The following OR5H1 variants were observed in gnomAD, a reference collection of about 807,000 sequenced individuals.
OR5H1 encodes olfactory receptor 5H1.
For synonymous variants in OR5H1, 124 were observed against 134.4 expected, an observed-to-expected ratio of 0.92 and a Z score of 0.54; for missense variants, 378 against 366.8, an observed-to-expected ratio of 1.03 and a Z score of -0.25.
rs1403937366 is a variant in OR5H1 at position 98,133,266 on chromosome 3, C to T, written c.569C>T (p.Thr190Ile). The T allele has an allele frequency of 6.2e-7, 1 of 1,610,530 alleles. No homozygotes were observed. Among genetic ancestry groups the T allele is most frequent in the Non-Finnish European group, 8.5e-7 (1 of 1,177,626 alleles). ...ATCCCATTGTCTAAGATTTCTTGTA[C>T]TGATTCTTCTATTAATTTTCTAATG... is the stretch of plus-strand genomic sequence containing the variant. ...DTIPLSKISC[T>I]DSSINFLMVF... The change falls in exon 2 of 2, where the codon ACT becomes ATT. Residue 190 changes from threonine to isoleucine, a missense_variant. Physicochemically the swap from Thr to Ile is moderately conservative, Grantham distance 89. Transcript: ENST00000641874.
chr3:98,132,876 A>G lies in OR5H1; in HGVS notation c.179A>G (p.Tyr60Cys). The change falls in exon 2 of 2, where the codon TAC (tyrosine) becomes TGC (cysteine). Residue 60 changes from tyrosine to cysteine, a missense_variant. Coordinates refer to ENST00000641874, the MANE Select transcript of OR5H1 (RefSeq NM_001005338.2). ...WKDPHLHIPM[Y>C]LLLGNLAFVD... ...GACCCTCACCTTCATATCCCAATGT[A>G]CTTACTCCTTGGGAATTTAGCTTTT... The G allele has an allele frequency of 3.1e-6, 5 of 1,613,448 alleles. No homozygotes were observed. Among genetic ancestry groups the G allele is most frequent in the Non-Finnish European group, 4.2e-6 (5 of 1,179,552 alleles).
At position 98,136,684 on chromosome 3, in the gene OR5H1, T is replaced by G. The variant is rs1376664284; in HGVS notation, c.*3045T>G. 1 of 151,952 alleles carries G rather than the reference T, an allele frequency of 6.6e-6. No homozygotes were observed. Among genetic ancestry groups the G allele is most frequent in the East Asian group, 1.9e-4 (1 of 5,178 alleles). 9.4% of individuals were successfully genotyped at this position (151,952 alleles called of 1,614,324 possible). A position where few individuals can be genotyped will look rare whatever the true frequency, so the allele number is the denominator to read the frequency against. On this transcript the variant is annotated 3_prime_UTR_variant, in exon 2 of 2. Coordinates refer to ENST00000641874, the MANE Select transcript of OR5H1 (RefSeq NM_001005338.2). ...ATCTCTCATGAATGCCTTGGTGCCA[T>G]CATCATAGTAATAAGCATGTTCTTA...
chr3:98,131,754 C>T (rs929545927), intron 1 of OR5H1, among the ~76,000 whole-genome samples: 3 of 151,962 alleles, frequency 2.0e-5, no homozygotes, highest in Non-Finnish European at 2.9e-5. Flanking sequence ...GCTCATATTA[C>T]TGATTGGAAC....
intron 1 of OR5H1, among the ~76,000 whole-genome samples, chr3:98,132,320 C>A (rs1708265285): frequency 1.3e-5 from 2 of 152,068 alleles, no homozygotes; most frequent in African/African-American, 4.8e-5. Context: ...AGATACTTCA[C>A]ATGGCATTTA....
chr3:98,131,180 A>T (rs1363279936), intron 1 of OR5H1, among the ~76,000 whole-genome samples: 1 of 152,052 alleles, frequency 6.6e-6, no homozygotes, highest in Non-Finnish European at 1.5e-5. Flanking sequence ...AATTATTCTG[A>T]TATAAATACC....
At chr3:98,132,648 T>G in intron 1 of OR5H1, 32 bp from the exon 2 acceptor site, 1 of 1,599,344 alleles carries the variant, frequency 6.3e-7, no homozygotes, top group East Asian at 2.2e-5. Flanking sequence ...CCATTGCAAA[T>G]GTTCCCTTTC....
rs959795088 is a variant in OR5H1 at position 98,134,630 on chromosome 3, T to C, written c.*991T>C. Reference sequence around the variant, plus strand: ...AATGAGGTAAGATTTTGGAGATTTTTTGCCTCGGAAAGTCATTGATTGTTA... The same window carrying C: ...AATGAGGTAAGATTTTGGAGATTTTCTGCCTCGGAAAGTCATTGATTGTTA... On this transcript the variant is annotated 3_prime_UTR_variant, in exon 2 of 2. Transcript: ENST00000641874. 5 of 152,242 alleles carry C rather than the reference T, an allele frequency of 3.3e-5. No individual in the cohort carries two copies. Among genetic ancestry groups the C allele is most frequent in the African/African-American group, 1.2e-4 (5 of 41,572 alleles). The allele number at this position is 152,242 out of a possible 1,614,324, so 9.4% of individuals were successfully genotyped here. A position where few individuals can be genotyped will look rare whatever the true frequency, so the allele number is the denominator to read the frequency against.
At position 98,137,556 on chromosome 3, in the gene OR5H1, G is replaced by T. The variant is rs1708334379; in HGVS notation, c.*3917G>T. 6.6e-6 allele frequency: 1 copy of T among 152,172 alleles called. No individual in the cohort carries two copies. Among genetic ancestry groups the T allele is most frequent in the African/African-American group, 2.4e-5 (1 of 41,444 alleles). The allele number at this position is 152,172 out of a possible 1,614,324, so 9.4% of individuals were successfully genotyped here. On this transcript the variant is annotated 3_prime_UTR_variant, in exon 2 of 2. Coordinates refer to ENST00000641874, the MANE Select transcript of OR5H1 (RefSeq NM_001005338.2). ...ACAATTTCATAATTCCTAGAAGTAT[G>T]TGCTTTCCCATTATATAATTTTTCA... is the stretch of plus-strand genomic sequence containing the variant.
In OR5H1 at chr3:98,134,686, T is replaced by C. The variant is rs1007645512; in HGVS notation, c.*1047T>C. ...CTTAACACTTCTTGTACTTCAAGTATGTTAATCATCTTTCTACCAGTCCAC... is the reference window on the plus strand; with the variant it reads ...CTTAACACTTCTTGTACTTCAAGTACGTTAATCATCTTTCTACCAGTCCAC... On this transcript the variant is annotated 3_prime_UTR_variant, in exon 2 of 2. Transcript: ENST00000641874. 1.3e-5 allele frequency: 2 copies of C among 152,112 alleles called. No individual in the cohort carries two copies. Among genetic ancestry groups the C allele is most frequent in the Non-Finnish European group, 2.9e-5 (2 of 67,976 alleles). 9.4% of individuals were successfully genotyped at this position (152,112 alleles called of 1,614,324 possible).
rs764171470 is a variant in OR5H1 at position 98,132,717 on chromosome 3, C to T, written c.20C>T (p.Thr7Ile). The part of the protein sequence containing the change: MEEENA[T>I]LLTEFVLTGF... ...GAGGACATGGAAGAGGAAAATGCAA[C>T]ATTGCTGACAGAGTTTGTTCTCACA... is the stretch of plus-strand genomic sequence containing the variant. Residue 7 changes from threonine to isoleucine, a missense_variant, in exon 2 of 2, where the codon ACA (threonine) becomes ATA (isoleucine). By Grantham distance (89) the Thr-to-Ile change is moderately conservative. Transcript: ENST00000641874. 4 of 1,612,674 alleles carry T rather than the reference C, an allele frequency of 2.5e-6. No individual in the cohort carries two copies. Among genetic ancestry groups the T allele is most frequent in the Middle Eastern group, 1.7e-4 (1 of 6,036 alleles).
chr3:98,133,282 T>G lies in OR5H1; in HGVS notation c.585T>G (p.Asn195Lys), dbSNP rs532765735. The G allele has an allele frequency of 6.2e-7, 1 of 1,611,606 alleles. No homozygotes were observed. The highest frequency in any genetic ancestry group is 1.3e-5 in the African/African-American group (1 of 74,848). The change falls in exon 2 of 2, where the codon AAT becomes AAG. Residue 195 changes from asparagine (N) to lysine (K), a missense_variant. By Grantham distance (94) the Asn-to-Lys change is moderately conservative (BLOSUM62 0). Transcript: ENST00000641874. Reference protein sequence around the residue: ...SKISCTDSSINFLMVFIFSGS... With the variant: ...SKISCTDSSIKFLMVFIFSGS... ...TTTCTTGTACTGATTCTTCTATTAA[T>G]TTTCTAATGGTTTTTATTTTCTCAG...
chr3:98,134,892 T>A lies in OR5H1; in HGVS notation c.*1253T>A, dbSNP rs1168688948. The A allele has an allele frequency of 6.6e-6, 1 of 152,152 alleles. No individual in the cohort carries two copies. Among genetic ancestry groups the A allele is most frequent in the African/African-American group, 2.4e-5 (1 of 41,456 alleles). 9.4% of individuals were successfully genotyped at this position (152,152 alleles called of 1,614,324 possible). A position where few individuals can be genotyped will look rare whatever the true frequency, so the allele number is the denominator to read the frequency against. ...GTTAGATTGTTTTTTCAAATGGAAC[T>A]CTAACTAATTATATCCCTCTTCAAT... On this transcript the variant is annotated 3_prime_UTR_variant, in exon 2 of 2. Transcript: ENST00000641874.
rs909293026 is a variant in OR5H1 at position 98,132,722 on chromosome 3, C to T, written c.25C>T (p.Leu9=). ...CATGGAAGAGGAAAATGCAACATTG[C>T]TGACAGAGTTTGTTCTCACAGGATT... MEEENATL[L]TEFVLTGFLY... The change falls in exon 2 of 2, where the codon CTG becomes TTG. Residue 9 remains leucine (L), a synonymous_variant. Coordinates refer to ENST00000641874, the MANE Select transcript of OR5H1 (RefSeq NM_001005338.2). 2.5e-6 allele frequency: 4 copies of T among 1,612,906 alleles called. No individual in the cohort carries two copies. Among genetic ancestry groups the T allele is most frequent in the South Asian group, 1.1e-5 (1 of 90,982 alleles).
Position 98,134,504 on chromosome 3 carries a change from T to C in OR5H1, c.*865T>C, listed in dbSNP as rs965817192. On this transcript the variant is annotated 3_prime_UTR_variant, in exon 2 of 2. Transcript: ENST00000641874. The stretch of plus-strand genomic sequence containing the variant: ...AATATTGCAAGGTTGTTGGAATGTG[T>C]TGTTATCAACAAGAAGTTTTAAATG... 1 of 152,098 alleles carries C rather than the reference T, an allele frequency of 6.6e-6. No homozygotes were observed. Among genetic ancestry groups the C allele is most frequent in the South Asian group, 2.1e-4 (1 of 4,818 alleles). 9.4% of individuals were successfully genotyped at this position (152,098 alleles called of 1,614,324 possible). A position where few individuals can be genotyped will look rare whatever the true frequency, so the allele number is the denominator to read the frequency against.
intron 1 of OR5H1, among the ~76,000 whole-genome samples, chr3:98,131,399 A>C (rs748806608): frequency 1.3e-5 from 2 of 151,602 alleles, no homozygotes; most frequent in Admixed American, 6.6e-5. Context: ...CCCTCTCTCC[A>C]TATTCCAAAT....
At position 98,137,111 on chromosome 3, in the gene OR5H1, T is replaced by C. The variant is rs1457507011; in HGVS notation, c.*3472T>C. 1 of 152,204 alleles carries C rather than the reference T, an allele frequency of 6.6e-6. No homozygotes were observed. 9.4% of individuals were successfully genotyped at this position (152,204 alleles called of 1,614,324 possible). A position where few individuals can be genotyped will look rare whatever the true frequency, so the allele number is the denominator to read the frequency against. ...GTAATATAACCATAATTATGTTATA[T>C]TGTAATAACAGATTCTGATTAAAAT... On this transcript the variant is annotated 3_prime_UTR_variant, in exon 2 of 2. Transcript: ENST00000641874.
Position 98,135,722 on chromosome 3 carries a change from T to C in OR5H1, c.*2083T>C, listed in dbSNP as rs1225213738. On this transcript the variant is annotated 3_prime_UTR_variant, in exon 2 of 2. Transcript: ENST00000641874. The stretch of plus-strand genomic sequence containing the variant: ...AACATAGTACCAAGGGACTGGGGTA[T>C]GCTCCATAGCCAAAGTACGTATGAA... 2 of 152,176 alleles carry C rather than the reference T, an allele frequency of 1.3e-5. No individual in the cohort carries two copies. The highest frequency in any genetic ancestry group is 4.8e-5 in the African/African-American group (2 of 41,444). 9.4% of individuals were successfully genotyped at this position (152,176 alleles called of 1,614,324 possible). A position where few individuals can be genotyped will look rare whatever the true frequency, so the allele number is the denominator to read the frequency against.
rs1013092568 is a variant in OR5H1 at position 98,133,866 on chromosome 3, A to C, written c.*227A>C. On this transcript the variant is annotated 3_prime_UTR_variant, in exon 2 of 2. Transcript: ENST00000641874. ...GAATAATGACTGTAGAAATCAAATA[A>C]AACTATTTAACAGTTGTATATGTTA... is the stretch of plus-strand genomic sequence containing the variant. 4 of 434,668 alleles carry C rather than the reference A, an allele frequency of 9.2e-6. No homozygotes were observed. Among genetic ancestry groups the C allele is most frequent in the South Asian group, 3.0e-5 (1 of 33,206 alleles). The allele number at this position is 434,668 out of a possible 1,614,324, so 26.9% of individuals were successfully genotyped here.
chr3:98,135,701 T>C lies in OR5H1; in HGVS notation c.*2062T>C, dbSNP rs1708309896. On this transcript the variant is annotated 3_prime_UTR_variant, in exon 2 of 2. Transcript: ENST00000641874. ...AAGATGACAATGACTATCACAAACA[T>C]AGTACCAAGGGACTGGGGTATGCTC... The C allele has an allele frequency of 1.3e-5, 2 of 152,134 alleles. No individual in the cohort carries two copies. Among genetic ancestry groups the C allele is most frequent in the Admixed American group, 1.3e-4 (2 of 15,262 alleles). 9.4% of individuals were successfully genotyped at this position (152,134 alleles called of 1,614,324 possible). A position where few individuals can be genotyped will look rare whatever the true frequency, so the allele number is the denominator to read the frequency against.
Sources: allele counts gnomAD v4.1 joint callset (sites outside exome capture counted in the v4.1 genomes callset), GRCh38; gene constraint gnomAD v4.1.1; transcripts MANE v1.5; gene names NCBI Gene and HGNC (gene_info 2026-07-23, HGNC 2026-07-21).